Variants in NHERF2 observed in about 807,000 individuals in gnomAD.
The protein encoded by NHERF2 is NHERF family PDZ scaffold protein 2.
the NHERF2 span, among the ~76,000 whole-genome samples, chr16:2,034,680 C>T: frequency 8.1e-4 from 50 of 61,560 alleles, no homozygotes; most frequent in African/African-American, 3.5e-3. Context: ...GCCTTCCCTC[C>T]GTCCCAGGCC....
At chr16:2,027,731 C>T in the NHERF2 span, among the ~76,000 whole-genome samples, 1 of 152,182 alleles carries the variant, frequency 6.6e-6, no homozygotes, top group African/African-American at 2.4e-5. Flanking sequence ...CAGGTCTGCA[C>T]GTGTGCCTGT....
chr16:2,033,575 G>T, the NHERF2 span: 1 of 904,808 alleles, frequency 1.1e-6, no homozygotes, highest in East Asian at 2.7e-5. Flanking sequence ...GCCAGGGCTG[G>T]TGCGTCACCA....
chr16:2,037,450 C>A, the NHERF2 span: 7 of 1,232,626 alleles, frequency 5.7e-6, no homozygotes, highest in Non-Finnish European at 8.2e-6. Context: ...GGAGCACACA[C>A]TGGGGGGGGG....
chr16:2,036,567 G>C, the NHERF2 span: 1 of 1,528,094 alleles, frequency 6.5e-7, no homozygotes, highest in East Asian at 2.4e-5. Context: ...GGGGCCCTGG[G>C]TCCTTGCAGG....
At chr16:2,037,460 G>C in the NHERF2 span, 17 of 1,287,694 alleles carry the variant, frequency 1.3e-5, no homozygotes, top group Admixed American at 3.2e-4. Flanking sequence ...CTGGGGGGGG[G>C]TGTGCCTCTG....
At chr16:2,028,909 A>T in the NHERF2 span, among the ~76,000 whole-genome samples, 5 of 152,038 alleles carry the variant, frequency 3.3e-5, no homozygotes, top group Admixed American at 6.5e-5. Flanking sequence ...CCACAGGTGC[A>T]CCTGCCTCTC....
chr16:2,033,533 T>C, the NHERF2 span: 3 of 1,271,332 alleles, frequency 2.4e-6, no homozygotes, highest in South Asian at 4.4e-5. Flanking sequence ...GTAAGCAGGC[T>C]GGTCGCTGAG....
the NHERF2 span, among the ~76,000 whole-genome samples, chr16:2,027,757 G>T: frequency 6.6e-6 from 1 of 152,186 alleles, no homozygotes; most frequent in Non-Finnish European, 1.5e-5. Context: ...TGCAGGTCTG[G>T]ACTCCTGGGC....
At chr16:2,032,937 TG>T in the NHERF2 span, 1 of 1,087,020 alleles carries the variant, frequency 9.2e-7, no homozygotes, top group Admixed American at 4.9e-5. This position sits in a 1 kb window ranked among gnomAD's most constrained non-coding sequence, Gnocchi z 4.0. Context: ...GTGACAGTTC[TG>T]CGGGAGGCGG....
the NHERF2 span, chr16:2,035,818 G>A: frequency 6.5e-5 from 26 of 397,582 alleles, no homozygotes; most frequent in Middle Eastern, 1.3e-3. Context: ...GGGGTGGGGC[G>A]GCTCATTTTC....
the NHERF2 span, chr16:2,038,686 C>T: frequency 4.1e-6 from 1 of 243,968 alleles, no homozygotes; most frequent in Non-Finnish European, 8.0e-6. Context: ...CCCCACCCAG[C>T]TACCCTGTGC....
the NHERF2 span, chr16:2,036,847 G>A: frequency 6.2e-7 from 1 of 1,612,440 alleles, no homozygotes; most frequent in East Asian, 2.2e-5. Flanking sequence ...ACTTCAAGCG[G>A]CTTCGGGTCA....
the NHERF2 span, chr16:2,038,032 C>G: frequency 3.1e-6 from 5 of 1,601,346 alleles, no homozygotes; most frequent in Admixed American, 1.7e-5. Flanking sequence ...CCGCACGGAC[C>G]TTGGGCCTCA....
the NHERF2 span, chr16:2,035,372 C>CCT: frequency 2.0e-6 from 2 of 984,898 alleles, no homozygotes; most frequent in Non-Finnish European, 2.4e-6. Flanking sequence ...CTGAGCGCCC[C>CCT]CTTGCCATGC....
the NHERF2 span, chr16:2,036,648 T>A: frequency 6.4e-7 from 1 of 1,571,890 alleles, no homozygotes; most frequent in Non-Finnish European, 8.6e-7. Flanking sequence ...CTGTGATGAA[T>A]ATTTGATGCC....
At chr16:2,038,496 G>A in the NHERF2 span, 8 of 338,824 alleles carry the variant, frequency 2.4e-5, no homozygotes, top group African/African-American at 1.5e-4. Context: ...TTTCCTCCCC[G>A]CCCCCTCCCC....
the NHERF2 span, chr16:2,027,279 G>A: frequency 1.8e-6 from 2 of 1,085,080 alleles, no homozygotes; most frequent in Non-Finnish European, 1.2e-6. Flanking sequence ...CCCCTGGGGC[G>A]AGCAGGGGTC....
the NHERF2 span, among the ~76,000 whole-genome samples, chr16:2,034,315 C>T: frequency 7.2e-5 from 11 of 151,758 alleles, no homozygotes; most frequent in East Asian, 2.0e-3. Flanking sequence ...GCCTTCCCTG[C>T]GTCCCAGGCC....
chr16:2,038,287 G>A, the NHERF2 span: 3 of 540,982 alleles, frequency 5.5e-6, no homozygotes, highest in East Asian at 7.2e-5. Context: ...GGCAGCCGCG[G>A]GGCGAGGGCC....
Sources: allele counts gnomAD v4.1 joint callset (sites outside exome capture counted in the v4.1 genomes callset), GRCh38; gene constraint gnomAD v4.1.1; non-coding constraint Gnocchi (gnomAD v3.1); transcripts MANE v1.5; gene names NCBI Gene and HGNC (gene_info 2026-07-23, HGNC 2026-07-21).